Variants in RPRD1A observed in about 807,000 individuals in gnomAD.
RPRD1A encodes regulation of nuclear pre-mRNA domain-containing protein 1A.
Under a neutral mutation model 37.8 loss-of-function variants are expected in RPRD1A, and 9 were observed. The ratio of observed to expected loss-of-function variants is 0.24; its 90% CI spans 0.14 to 0.42. The LOEUF (loss-of-function observed/expected upper bound fraction) is 0.42, where lower values mean the gene tolerates loss of function less well. Ranked by LOEUF, RPRD1A falls within the 10% of genes least tolerant of loss-of-function variation. RPRD1A has a pLI of 1.00. For synonymous variants in RPRD1A, 138 were observed against 139.7 expected, an observed-to-expected ratio of 0.99 and a Z score of 0.08; for missense variants, 255 against 371.0, an observed-to-expected ratio of 0.69 and a Z score of 2.57.
chr18:36,058,411 A>C (rs938038903), intron 1 of RPRD1A, among the ~76,000 whole-genome samples: 1 of 152,228 alleles, frequency 6.6e-6, no homozygotes, highest in Non-Finnish European at 1.5e-5. Context: ...TATCAAGAAA[A>C]AAAGCCTGTA....
At chr18:36,028,941 C>T (rs932942518) in intron 4 of RPRD1A, among the ~76,000 whole-genome samples, 2 of 152,132 alleles carry the variant, frequency 1.3e-5, no homozygotes, top group East Asian at 1.9e-4. Flanking sequence ...TCAGGGAGAG[C>T]GGAAGGAGAC....
At position 36,027,243 on chromosome 18, in the gene RPRD1A, T is replaced by C; in HGVS notation, c.554A>G (p.Gln185Arg). ...NAASGDAAVHQRIASLPVEVQ... is the reference protein window; with the variant it reads ...NAASGDAAVHRRIASLPVEVQ... ...TTCAACAGGTAAAGAAGCTATCCTC[T>C]GATGAACTGCTGCATCACCTGAGGC... Residue 185 changes from glutamine (Q) to arginine (R), a missense_variant, in exon 5 of 7, where the codon CAG becomes CGG. This residue lies in a region of RPRD1A where 211 missense variants were observed against 268.9 expected (regional missense o/e 0.78). Coordinates refer to ENST00000399022, the MANE Select transcript of RPRD1A (RefSeq NM_018170.5). The C allele has an allele frequency of 1.2e-6, 2 of 1,613,508 alleles. No homozygotes were observed. The highest frequency in any genetic ancestry group is 1.7e-6 in the Non-Finnish European group (2 of 1,179,386).
intron 6 of RPRD1A, among the ~76,000 whole-genome samples, chr18:36,005,881 T>C (rs369273471): frequency 2.0e-5 from 3 of 152,180 alleles, no homozygotes; most frequent in African/African-American, 7.2e-5. Context: ...ATGTTTACGA[T>C]GACATTTTTA....
intron 1 of RPRD1A, among the ~76,000 whole-genome samples, chr18:36,048,921 C>G (rs555954955): frequency 3.8e-4 from 58 of 152,342 alleles, no homozygotes; most frequent in African/African-American, 1.4e-3. Context: ...CTAATAAGTG[C>G]ATTCAGCAAG....
intron 1 of RPRD1A, among the ~76,000 whole-genome samples, chr18:36,052,259 G>C (rs537474809): frequency 6.0e-5 from 9 of 150,884 alleles, no homozygotes; most frequent in Admixed American, 4.0e-4. Flanking sequence ...AAAGCTGACA[G>C]AGTTTGTTAC....
chr18:36,032,542 G>T (rs1040131617), intron 2 of RPRD1A, among the ~76,000 whole-genome samples: 4 of 152,162 alleles, frequency 2.6e-5, no homozygotes, highest in Non-Finnish European at 5.9e-5. Context: ...AGGCAAGGAA[G>T]TATTATGACC....
intron 1 of RPRD1A, among the ~76,000 whole-genome samples, chr18:36,044,153 G>T (rs146678355): frequency 2.0e-5 from 3 of 152,228 alleles, no homozygotes; most frequent in African/African-American, 7.2e-5. Context: ...AGGAAGAGGG[G>T]GAAGAGGAGC....
intron 1 of RPRD1A, among the ~76,000 whole-genome samples, chr18:36,054,845 C>T (rs952999269): frequency 6.8e-6 from 1 of 147,386 alleles, no homozygotes; most frequent in African/African-American, 2.5e-5. Flanking sequence ...AGTCCAAAGG[C>T]AGGAGAAAAA....
intron 6 of RPRD1A, among the ~76,000 whole-genome samples, chr18:36,015,497 C>T (rs561518971): frequency 5.5e-4 from 84 of 152,142 alleles, no homozygotes; most frequent in Non-Finnish European, 8.8e-4. Context: ...CCACCATGCC[C>T]GGCCTCAAAG....
intron 1 of RPRD1A, among the ~76,000 whole-genome samples, chr18:36,062,736 T>C (rs1345583426): frequency 6.6e-6 from 1 of 152,068 alleles, no homozygotes; most frequent in Non-Finnish European, 1.5e-5. Flanking sequence ...ATGGTAAAAA[T>C]AGTCCAATCT....
rs1427980742 is a variant in RPRD1A at position 36,027,073 on chromosome 18, T to C, written c.616A>G (p.Lys206Glu). ...EVSLLDKITD[K>E]ESGERLSKMV... ...TTGGAAAGCCTTTCTCCAGATTCTT[T>C]ATCTAAGAAAAGCACGGGATAATAA... is the stretch of plus-strand genomic sequence containing the variant. The change falls in exon 6 of 7, where the codon AAA becomes GAA. Residue 206 changes from lysine (K) to glutamate (E), a missense_variant and splice_region_variant. Lys to Glu is a moderately conservative substitution (Grantham distance 56, BLOSUM62 1). This residue lies in a region of RPRD1A where 211 missense variants were observed against 268.9 expected (regional missense o/e 0.78). Transcript: ENST00000399022. 1.2e-6 allele frequency: 2 copies of C among 1,613,674 alleles called. No homozygotes were observed. The highest frequency in any genetic ancestry group is 1.7e-6 in the Non-Finnish European group (2 of 1,179,776).
At chr18:36,042,511 C>T (rs990795441) in intron 1 of RPRD1A, among the ~76,000 whole-genome samples, 13 of 152,224 alleles carry the variant, frequency 8.5e-5, no homozygotes, top group African/African-American at 2.9e-4. Flanking sequence ...TGTAAAATTA[C>T]ACTGCTGTCA....
rs190699475 is a variant in RPRD1A, at chr18:36,045,140, T to C, written c.152-11303A>G. 3.9e-5 allele frequency among the ~76,000 whole-genome samples: 6 copies of C among 152,150 alleles called. No individual in the cohort carries two copies. In the East Asian group the frequency reaches 1.2e-3, roughly 29 times the overall value. On this transcript the variant is annotated intron_variant, in intron 1 of 6. Transcript: ENST00000399022. ...CTGTAATCCCTGCTACTCGGGAGGC[T>C]GAGGCATGAGAATCACTTGAACCTG...
intron 1 of RPRD1A, among the ~76,000 whole-genome samples, chr18:36,034,101 T>A (rs1480346486): frequency 1.3e-5 from 2 of 152,144 alleles, no homozygotes; most frequent in African/African-American, 2.4e-5. Context: ...ATATGAAATA[T>A]AGTCATTTAA....
At chr18:36,065,922 A>G (rs1028388320) in intron 1 of RPRD1A, among the ~76,000 whole-genome samples, 1 of 152,040 alleles carries the variant, frequency 6.6e-6, no homozygotes, top group African/African-American at 2.4e-5. Context: ...GAGTCTGGGT[A>G]TCAACCCTAT....
At chr18:36,034,477 T>C (rs1284248541) in intron 1 of RPRD1A, among the ~76,000 whole-genome samples, 1 of 152,328 alleles carries the variant, frequency 6.6e-6, no homozygotes, top group East Asian at 1.9e-4. Context: ...ATAGACAAGA[T>C]TTCAACAGTT....
intron 1 of RPRD1A, among the ~76,000 whole-genome samples, chr18:36,050,711 A>ATTTT (rs143538995): frequency 7.0e-6 from 1 of 143,260 alleles, no homozygotes; most frequent in Non-Finnish European, 1.5e-5. Flanking sequence ...TAATTTTTGT[A>ATTTT]TTTTTTTTTT....
intron 6 of RPRD1A, among the ~76,000 whole-genome samples, chr18:35,999,962 C>G (rs1221222082): frequency 6.6e-6 from 1 of 152,138 alleles, no homozygotes; most frequent in Admixed American, 6.5e-5. Flanking sequence ...TTTACTTTTA[C>G]TTCATTTTTC....
intron 1 of RPRD1A, among the ~76,000 whole-genome samples, chr18:36,048,894 A>G (rs549785532): frequency 2.1e-4 from 32 of 151,898 alleles, no homozygotes; most frequent in South Asian, 6.2e-4. Flanking sequence ...GGAATTTATG[A>G]AAAAAAACGT....
Sources: gnomAD v4.1 joint callset for allele counts (sites outside exome capture counted in the v4.1 genomes callset) on GRCh38, gnomAD v4.1.1 for gene constraint, gnomAD v4.1.1 regional missense constraint, MANE v1.5 for transcripts, NCBI Gene and HGNC (gene_info 2026-07-23, HGNC 2026-07-21) for gene names.